The following ANKRD33B variants were observed in gnomAD, a reference collection of about 807,000 sequenced individuals.
The protein encoded by ANKRD33B is ankyrin repeat domain-containing protein 33B.
In ANKRD33B, 6 loss-of-function variants were observed where a neutral mutation model predicts 21.5. The observed-to-expected ratio is 0.28, with a 90% CI of 0.15 to 0.55. The LOEUF (loss-of-function observed/expected upper bound fraction) is 0.55, where lower values mean the gene tolerates loss of function less well. Among genes scored for constraint, ANKRD33B ranks in the 20% least tolerant of loss-of-function variants. ANKRD33B has a pLI of 0.94. For synonymous variants in ANKRD33B, 347 were observed against 342.4 expected (o/e 1.01, Z -0.15); for missense variants, 698 against 747.2 (o/e 0.93, Z 0.77).
At chr5:10,616,490 G>C (rs561211004) in intron 1 of ANKRD33B, among the ~76,000 whole-genome samples, 1 of 151,656 alleles carries the variant, frequency 6.6e-6, no homozygotes, top group Non-Finnish European at 1.5e-5. Context: ...CTTGAACCCA[G>C]GAGGTGGAGG....
intron 1 of ANKRD33B, among the ~76,000 whole-genome samples, chr5:10,585,191 T>G (rs1735527575): frequency 6.6e-6 from 1 of 151,908 alleles, no homozygotes; most frequent in Non-Finnish European, 1.5e-5. Flanking sequence ...GTGTTGAAGT[T>G]TGGTCCTCTT....
chr5:10,640,031 CGGGTG>C (rs1737000903), intron 3 of ANKRD33B, among the ~76,000 whole-genome samples: 1 of 79,742 alleles, frequency 1.3e-5, no homozygotes, highest in Non-Finnish European at 2.8e-5. Flanking sequence ...GCGATGTTAG[CGGGTG>C]ACGTGGAGTT....
Position 10,650,139 on chromosome 5 carries a change from C to G in ANKRD33B, c.*26C>G. 1.6e-5 allele frequency: 21 copies of G among 1,350,494 alleles called. No homozygotes were observed. The highest frequency in any genetic ancestry group is 3.1e-5 in the African/African-American group (2 of 65,456). The allele number at this position is 1,350,494 out of a possible 1,614,324, so 83.7% of individuals were successfully genotyped here. A position where few individuals can be genotyped will look rare whatever the true frequency, so the allele number is the denominator to read the frequency against. ...GGGCCCGTGTGCCTGGCGCTGGGGC[C>G]GGGGCTGGGGCCGGGGCGGGGCCGC... On this transcript the variant is annotated 3_prime_UTR_variant, in exon 4 of 4. Coordinates refer to ENST00000296657, the MANE Select transcript of ANKRD33B (RefSeq NM_001164440.2).
intron 2 of ANKRD33B, chr5:10,627,784 G>C (rs549547304): frequency 6.6e-6 from 1 of 152,158 alleles, no homozygotes; most frequent in African/African-American, 2.4e-5. Context: ...GGTGAGTCTC[G>C]GTTTCCCAGC....
intron 1 of ANKRD33B, among the ~76,000 whole-genome samples, chr5:10,612,591 ATTC>A (rs1736196642): frequency 6.6e-6 from 1 of 152,252 alleles, no homozygotes; most frequent in South Asian, 2.1e-4. Context: ...CTGCCCGAGT[ATTC>A]TTGCATTACC....
intron 2 of ANKRD33B, among the ~76,000 whole-genome samples, chr5:10,628,535 T>C (rs1384526776): frequency 1.3e-5 from 2 of 152,154 alleles, no homozygotes; most frequent in African/African-American, 4.8e-5. Flanking sequence ...TGCCCAGGCT[T>C]GTATCTAACT....
intron 1 of ANKRD33B, 123 bp downstream of exon 1, chr5:10,564,956 C>T: frequency 7.5e-7 from 1 of 1,325,718 alleles, no homozygotes; most frequent in Middle Eastern, 2.7e-4. Flanking sequence ...CAGCCGCCGC[C>T]CAGAGCGCCT....
chr5:10,649,824 C>G lies in ANKRD33B; in HGVS notation c.1196C>G (p.Pro399Arg). ...PALGSRGPAA[P>R]APRKASLLPL... ...CTGGGGTCCCGGGGCCCCGCAGCGC[C>G]CGCCCCGCGGAAGGCCAGCCTCCTG... The change falls in exon 4 of 4, where the codon CCC becomes CGC. Residue 399 changes from proline (P) to arginine (R), a missense_variant. Pro to Arg is a moderately radical substitution (Grantham distance 103, BLOSUM62 -2). This residue lies in a region of ANKRD33B where 543 missense variants were observed against 566.5 expected (regional missense o/e 0.96). Transcript: ENST00000296657. The G allele has an allele frequency of 7.2e-7, 1 of 1,388,698 alleles. No homozygotes were observed. Among genetic ancestry groups the G allele is most frequent in the Non-Finnish European group, 9.3e-7 (1 of 1,076,668 alleles). 86.0% of individuals were successfully genotyped at this position (1,388,698 alleles called of 1,614,324 possible).
intron 1 of ANKRD33B, among the ~76,000 whole-genome samples, chr5:10,579,284 G>A (rs1333755166): frequency 6.6e-6 from 1 of 150,462 alleles, no homozygotes; most frequent in East Asian, 1.9e-4. Flanking sequence ...GTTTGGGTGT[G>A]TGAGTTCTAA....
chr5:10,645,475 G>C (rs955491616), intron 3 of ANKRD33B, among the ~76,000 whole-genome samples: 14 of 152,196 alleles, frequency 9.2e-5, no homozygotes, highest in African/African-American at 2.7e-4. Context: ...ATTAGCACCT[G>C]TTTGGAATGT....
chr5:10,621,871 G>A (rs1736428990), intron 2 of ANKRD33B, among the ~76,000 whole-genome samples: 1 of 152,174 alleles, frequency 6.6e-6, no homozygotes, highest in Non-Finnish European at 1.5e-5. Flanking sequence ...GTGGGGATTT[G>A]GGGAAGTAAT....
At chr5:10,643,272 C>T (rs1267302743) in intron 3 of ANKRD33B, among the ~76,000 whole-genome samples, 1 of 152,032 alleles carries the variant, frequency 6.6e-6, no homozygotes, top group African/African-American at 2.4e-5. Context: ...GGCTGTCTTT[C>T]AAATTGTAGG....
At chr5:10,637,105 T>C (rs1736884740) in intron 2 of ANKRD33B, among the ~76,000 whole-genome samples, 1 of 151,982 alleles carries the variant, frequency 6.6e-6, no homozygotes, top group Non-Finnish European at 1.5e-5. Context: ...GGAGATGTAT[T>C]CACACAAGGA....
intron 1 of ANKRD33B, among the ~76,000 whole-genome samples, chr5:10,615,945 G>A (rs547266775): frequency 1.3e-5 from 2 of 152,276 alleles, no homozygotes; most frequent in Admixed American, 1.3e-4. Flanking sequence ...AAACCTCAGT[G>A]GCTTTTAAGT....
chr5:10,645,550 C>T (rs546083752), intron 3 of ANKRD33B, among the ~76,000 whole-genome samples: 3 of 152,318 alleles, frequency 2.0e-5, no homozygotes, highest in Admixed American at 6.5e-5. Flanking sequence ...CCGCATTTCT[C>T]AGCTCCCTGG....
At position 10,653,414 on chromosome 5, in the gene ANKRD33B, G is replaced by A. The variant is rs1036072186; in HGVS notation, c.*3301G>A. The A allele has an allele frequency of 2.6e-5, 4 of 152,666 alleles. No individual in the cohort carries two copies. The highest frequency in any genetic ancestry group is 9.6e-5 in the African/African-American group (4 of 41,480). 9.5% of individuals were successfully genotyped at this position (152,666 alleles called of 1,614,324 possible). ...AAGTCGGCCCCCAGTGAGGCTCAGG[G>A]AGTGCAGGAGACCAGGGAGGGAAGC... On this transcript the variant is annotated 3_prime_UTR_variant, in exon 4 of 4. Coordinates refer to ENST00000296657, the MANE Select transcript of ANKRD33B (RefSeq NM_001164440.2).
At chr5:10,618,280 C>T in intron 1 of ANKRD33B, 53 bp from the exon 2 acceptor site, 1 of 1,535,124 alleles carries the variant, frequency 6.5e-7, no homozygotes, top group African/African-American at 1.4e-5. Flanking sequence ...CCAGTGCTGA[C>T]CCACCATGCT....
intron 3 of ANKRD33B, among the ~76,000 whole-genome samples, chr5:10,642,450 G>A (rs1342707678): frequency 1.3e-5 from 2 of 152,090 alleles, no homozygotes; most frequent in South Asian, 2.1e-4. Context: ...TGTCCTATAC[G>A]AGGTACAGAG....
chr5:10,571,170 T>G (rs1735179193), intron 1 of ANKRD33B, among the ~76,000 whole-genome samples: 1 of 151,900 alleles, frequency 6.6e-6, no homozygotes, highest in Non-Finnish European at 1.5e-5. Flanking sequence ...TGCGTTTGGG[T>G]TTCTTGAGTA....
Sources: gnomAD v4.1 joint callset for allele counts (sites outside exome capture counted in the v4.1 genomes callset) on GRCh38, gnomAD v4.1.1 for gene constraint, gnomAD v4.1.1 regional missense constraint, MANE v1.5 for transcripts, NCBI Gene and HGNC (gene_info 2026-07-23, HGNC 2026-07-21) for gene names.